GPC6: variants seen among roughly 807,000 people sequenced by gnomAD.
The protein encoded by GPC6 is glypican-6.
In GPC6, 14 loss-of-function variants were observed where a neutral mutation model predicts 55.2. That is an observed-to-expected ratio of 0.25 (90% CI 0.17 to 0.40). The LOEUF is 0.40. Ranked by LOEUF, GPC6 falls within the 10% of genes least tolerant of loss-of-function variation. The pLI, the probability that GPC6 is intolerant of heterozygous loss-of-function variation, is 1.00. For synonymous variants in GPC6, 278 were observed against 259.6 expected (o/e 1.07, Z -0.68); for missense variants, 641 against 708.5 (o/e 0.90, Z 1.08).
chr13:93,985,180 A>G (rs781301267), intron 3 of GPC6, among the ~76,000 whole-genome samples: 8 of 152,168 alleles, frequency 5.3e-5, no homozygotes, highest in Non-Finnish European at 8.8e-5. Flanking sequence ...CACGCTTGTA[A>G]TCCCAGCACT....
intron 1 of GPC6, among the ~76,000 whole-genome samples, chr13:93,487,223 T>C (rs1451416157): frequency 6.6e-6 from 1 of 152,062 alleles, no homozygotes; most frequent in African/African-American, 2.4e-5. Context: ...ATTTTTAAAT[T>C]TTTTTTTAAC....
intron 3 of GPC6, among the ~76,000 whole-genome samples, chr13:93,873,170 CACTGA>C (rs1889183454): frequency 6.6e-6 from 1 of 151,494 alleles, no homozygotes; most frequent in Non-Finnish European, 1.5e-5. Context: ...TGTAAACAGT[CACTGA>C]ACTGTTTACT....
intron 6 of GPC6, among the ~76,000 whole-genome samples, chr13:94,352,947 C>T (rs1159366921): frequency 1.3e-5 from 2 of 152,154 alleles, no homozygotes; most frequent in African/African-American, 2.4e-5. Context: ...ATCTGGAGAA[C>T]TGTATGTCCT....
intron 2 of GPC6, among the ~76,000 whole-genome samples, chr13:93,818,081 A>G (rs1886924729): frequency 1.4e-5 from 2 of 147,540 alleles, no homozygotes; most frequent in Non-Finnish European, 1.5e-5. Context: ...AATCATATAT[A>G]TTTATTATAT....
intron 2 of GPC6, among the ~76,000 whole-genome samples, chr13:93,823,574 G>A (rs1230759829): frequency 2.0e-5 from 3 of 152,090 alleles, no homozygotes; most frequent in Non-Finnish European, 4.4e-5. Context: ...CTTGAAATTA[G>A]CATCATTCAC....
intron 3 of GPC6, among the ~76,000 whole-genome samples, chr13:93,842,285 G>A (rs1887980433): frequency 6.6e-6 from 1 of 152,070 alleles, no homozygotes; most frequent in Non-Finnish European, 1.5e-5. Flanking sequence ...TTGCAATAAA[G>A]CATTTTATTG....
At chr13:94,232,926 G>T (rs537454662) in intron 4 of GPC6, among the ~76,000 whole-genome samples, 1 of 150,158 alleles carries the variant, frequency 6.7e-6, no homozygotes, top group Non-Finnish European at 1.5e-5. Flanking sequence ...TGTAATTATG[G>T]TTAATGTAAA....
At chr13:94,020,848 T>C (rs1882666236) in intron 3 of GPC6, among the ~76,000 whole-genome samples, 1 of 152,178 alleles carries the variant, frequency 6.6e-6, no homozygotes, top group African/African-American at 2.4e-5. Context: ...ATAAATTTAA[T>C]TTCCCATGAG....
intron 3 of GPC6, among the ~76,000 whole-genome samples, chr13:93,944,960 C>T (rs1878932442): frequency 6.6e-6 from 1 of 152,128 alleles, no homozygotes; most frequent in African/African-American, 2.4e-5. Flanking sequence ...TGTAAATTTG[C>T]ATCCCAGACT....
At position 94,053,509 on chromosome 13, in the gene GPC6, G is replaced by A. The variant is rs138619192; in HGVS notation, c.877+25615G>A. 3.3e-5 allele frequency among the ~76,000 whole-genome samples: 5 copies of A among 152,206 alleles called. 1 individual carries two copies. The highest frequency in any genetic ancestry group is 7.4e-5 in the Non-Finnish European group (5 of 68,004). On this transcript the variant is annotated intron_variant, in intron 4 of 8. Transcript: ENST00000377047. ...TATTACCCAATAAATTCACAATAGA[G>A]TGTGAAGGAAGAAATAGAAGCTGCA...
intron 6 of GPC6, among the ~76,000 whole-genome samples, chr13:94,310,526 C>T (rs145862602): frequency 6.6e-6 from 1 of 152,152 alleles, no homozygotes; most frequent in African/African-American, 2.4e-5. Flanking sequence ...TTGTTTTCCT[C>T]TTGCTTCCCA....
At chr13:94,362,700 C>A (rs1424196613) in intron 6 of GPC6, among the ~76,000 whole-genome samples, 3 of 152,044 alleles carry the variant, frequency 2.0e-5, no homozygotes, top group African/African-American at 7.2e-5. Flanking sequence ...TTTTTGATAG[C>A]CTTTTGCCTT....
At chr13:93,331,052 T>G (rs973115182) in intron 1 of GPC6, among the ~76,000 whole-genome samples, 6 of 152,192 alleles carry the variant, frequency 3.9e-5, no homozygotes, top group Non-Finnish European at 7.3e-5. Context: ...CTCACTGTAT[T>G]TCCAGGAGGT....
intron 3 of GPC6, among the ~76,000 whole-genome samples, chr13:93,849,439 A>G (rs1184993098): frequency 6.6e-6 from 1 of 152,102 alleles, no homozygotes; most frequent in Non-Finnish European, 1.5e-5. Flanking sequence ...ATCCAGCTCG[A>G]AAGACATTGT....
chr13:93,527,455 T>G (rs1438554256), intron 1 of GPC6, among the ~76,000 whole-genome samples: 1 of 152,154 alleles, frequency 6.6e-6, no homozygotes, highest in Non-Finnish European at 1.5e-5. Context: ...TCAGAGACTC[T>G]GAACTCCTTT....
chr13:93,291,970 A>G (rs1878333427), intron 1 of GPC6, among the ~76,000 whole-genome samples: 1 of 152,212 alleles, frequency 6.6e-6, no homozygotes, highest in Admixed American at 6.5e-5. Context: ...AAAATGCTGT[A>G]AATATTTAAT....
At chr13:94,151,713 C>T (rs184291319) in intron 4 of GPC6, among the ~76,000 whole-genome samples, 8 of 152,220 alleles carry the variant, frequency 5.3e-5, no homozygotes, top group Admixed American at 1.3e-4. Context: ...AAGCACACTA[C>T]AGCAGCTCTG....
At chr13:93,593,485 T>C (rs1256554708) in intron 2 of GPC6, among the ~76,000 whole-genome samples, 2 of 152,172 alleles carry the variant, frequency 1.3e-5, no homozygotes, top group Non-Finnish European at 1.5e-5. Flanking sequence ...ATTCATACTG[T>C]AATTGAAGGA....
At chr13:94,138,104 T>A (rs1184247702) in intron 4 of GPC6, among the ~76,000 whole-genome samples, 1 of 152,198 alleles carries the variant, frequency 6.6e-6, no homozygotes, top group African/African-American at 2.4e-5. Context: ...ATCTGAAATA[T>A]GAAATGCTCC....
Sources: gnomAD v4.1 joint callset for allele counts (sites outside exome capture counted in the v4.1 genomes callset) on GRCh38, gnomAD v4.1.1 for gene constraint, MANE v1.5 for transcripts, NCBI Gene and HGNC (gene_info 2026-07-23, HGNC 2026-07-21) for gene names.